Variants in MRGPRF observed in about 807,000 individuals in gnomAD.
MRGPRF encodes MAS related GPR family member F, also known as mas-related G protein-coupled receptor member F.
Under a neutral mutation model 3.3 loss-of-function variants are expected in MRGPRF, and 2 were observed. The observed-to-expected ratio is 0.61, with a 90% CI of 0.25 to 1.92. MRGPRF has a LOEUF of 1.92. Ranked by LOEUF, MRGPRF falls within the 40% of genes most tolerant of loss-of-function variation. MRGPRF has a pLI of 0.16. For missense variants in MRGPRF, 500 were observed against 476.0 expected (o/e 1.05, Z -0.47); for synonymous variants, 242 against 222.7 (o/e 1.09, Z -0.77).
At chr11:69,006,456 G>T (rs1297631005) in intron 2 of MRGPRF, among the ~76,000 whole-genome samples, 195 bp from the exon 3 acceptor site, 2 of 152,086 alleles carry the variant, frequency 1.3e-5, no homozygotes, top group Admixed American at 1.3e-4. Context: ...CTCACCTGAT[G>T]TTAACTCTCC....
chr11:69,013,337 T>C (rs1860645255), upstream of MRGPRF: 1 of 152,216 alleles, frequency 6.6e-6, no homozygotes, highest in African/African-American at 2.4e-5. Context: ...TGAGCAGGGC[T>C]GAGCGGGGAT....
At chr11:69,010,532 C>G (rs112772029) in intron 1 of MRGPRF, among the ~76,000 whole-genome samples, 3,844 of 152,298 alleles carry the variant, frequency 0.025, 69 homozygotes, top group Non-Finnish European at 0.037. Flanking sequence ...CCCTGCCAGC[C>G]CGCCTACACC....
At position 69,006,005 on chromosome 11, in the gene MRGPRF, A is replaced by T. The variant is rs1159075967; in HGVS notation, c.305T>A (p.Leu102Gln). 1 of 1,568,370 alleles carries T rather than the reference A, an allele frequency of 6.4e-7. No individual in the cohort carries two copies. The highest frequency in any genetic ancestry group is 1.2e-5 in the South Asian group (1 of 85,798). ...CGTGCCCAGGAAGCCCCCCGTGTTC[A>T]GGATGGAGAACACCGCCTTGCTGAA... ...YLFSKAVFSI[L>Q]NTGGFLGTFA... Residue 102 changes from leucine to glutamine, a missense_variant, in exon 3 of 3, where the codon CTG (leucine) becomes CAG (glutamine). Physicochemically the swap from Leu to Gln is moderately radical, Grantham distance 113. Coordinates refer to ENST00000309099, the MANE Select transcript of MRGPRF (RefSeq NM_145015.5).
intron 1 of MRGPRF, among the ~76,000 whole-genome samples, chr11:69,010,500 G>A (rs2154012885): frequency 6.6e-6 from 1 of 152,320 alleles, no homozygotes; most frequent in African/African-American, 2.4e-5. Context: ...CCGGTCATCA[G>A]CATCACTGTC....
At position 69,005,057 on chromosome 11, in the gene MRGPRF, TG is replaced by T. The variant is rs1860439818; in HGVS notation, c.*220del. On this transcript the variant is annotated 3_prime_UTR_variant, in exon 3 of 3. Transcript: ENST00000309099. ...ACAAGAGGTCTCTAGGGGAGCAGAA[TG>T]GGTGGGGGAGCCGGGCAGGGGCCAC... 2 of 582,502 alleles carry T rather than the reference TG, an allele frequency of 3.4e-6. No individual in the cohort carries two copies. The highest frequency in any genetic ancestry group is 3.6e-5 in the Admixed American group (1 of 27,896). The allele number at this position is 582,502 out of a possible 1,614,324, so 36.1% of individuals were successfully genotyped here.
In MRGPRF at chr11:69,005,823, C is replaced by A; in HGVS notation, c.487G>T (p.Val163Leu). 6.5e-7 allele frequency: 1 copy of A among 1,532,274 alleles called. No individual in the cohort carries two copies. 94.9% of individuals were successfully genotyped at this position (1,532,274 alleles called of 1,614,324 possible). The change falls in exon 3 of 3, where the codon GTG (valine) becomes TTG (leucine). Residue 163 changes from valine (V) to leucine (L), a missense_variant. Val to Leu is a conservative substitution (Grantham distance 32). Coordinates refer to ENST00000309099, the MANE Select transcript of MRGPRF (RefSeq NM_145015.5). Reference sequence around the variant, plus strand: ...GACAGGACCCACAGCAGGGCGCACACCACGGCCGACAGGCGCTTGGGCCGC... The same window carrying A: ...GACAGGACCCACAGCAGGGCGCACAACACGGCCGACAGGCGCTTGGGCCGC... Reference protein sequence around the residue: ...RRRPKRLSAVVCALLWVLSLL... With the variant: ...RRRPKRLSAVLCALLWVLSLL...
Position 69,008,128 on chromosome 11 carries a change from C to T in MRGPRF, c.48+1726G>A, listed in dbSNP as rs139586009. Among the ~76,000 whole-genome samples the T allele has an allele frequency of 2.9e-3, 440 of 152,232 alleles. 1 individual carries two copies. Among genetic ancestry groups the T allele is most frequent in the African/African-American group, 0.01 (419 of 41,522 alleles). On this transcript the variant is annotated intron_variant, in intron 2 of 2. Coordinates refer to ENST00000309099, the MANE Select transcript of MRGPRF (RefSeq NM_145015.5). ...ACTGGAGTGGCTGATCGTCCTCCCCCGCTCCCTGGAGAAGCCTGAACTCTA... is the reference window on the plus strand; with the variant it reads ...ACTGGAGTGGCTGATCGTCCTCCCCTGCTCCCTGGAGAAGCCTGAACTCTA...
intron 2 of MRGPRF, among the ~76,000 whole-genome samples, chr11:69,008,905 G>A (rs1307606017): frequency 6.6e-6 from 1 of 152,194 alleles, no homozygotes; most frequent in East Asian, 1.9e-4. Flanking sequence ...GGAGTCAGAG[G>A]GGGAGGCCGG....
intron 2 of MRGPRF, 197 bp downstream of exon 2, chr11:69,009,657 G>A: frequency 1.4e-6 from 1 of 698,424 alleles, no homozygotes; most frequent in Non-Finnish European, 2.6e-6. Flanking sequence ...CCTCACTGAT[G>A]AGGACAGGAG....
intron 2 of MRGPRF, 86 bp from the exon 3 acceptor site, chr11:69,006,347 G>GC: frequency 6.9e-7 from 1 of 1,451,012 alleles, no homozygotes; most frequent in East Asian, 2.4e-5. Context: ...GGGGGAGGGG[G>GC]GGGGTCCCAA....
intron 2 of MRGPRF, chr11:69,009,345 CAGG>C (rs1308734512): frequency 5.0e-6 from 2 of 401,992 alleles, no homozygotes; most frequent in Admixed American, 8.3e-5. Flanking sequence ...TGGCTGAGGG[CAGG>C]AGGAGGGTCA....
At chr11:69,010,030 G>GGGT in intron 1 of MRGPRF, 73 bp from the exon 2 acceptor site, 1 of 952,620 alleles carries the variant, frequency 1.0e-6, no homozygotes, top group African/African-American at 1.6e-5. Context: ...CCGTGCCTAG[G>GGGT]CCCCCAAGGC....
chr11:69,012,271 C>T (rs2154013055), intron 1 of MRGPRF: 1 of 152,504 alleles, frequency 6.6e-6, no homozygotes, highest in African/African-American at 2.4e-5. Flanking sequence ...CCGCAGGAAG[C>T]TCCTCCTCTC....
At chr11:69,009,537 G>T in intron 2 of MRGPRF, 2 of 587,240 alleles carry the variant, frequency 3.4e-6, no homozygotes, top group Admixed American at 3.1e-5. Flanking sequence ...GTAAGTAGCT[G>T]ACTGCCCCAC....
intron 1 of MRGPRF, chr11:69,012,165 T>C (rs2513102): frequency 0.98 from 149,291 of 152,408 alleles, 73,167 homozygotes; most frequent in Non-Finnish European, 1. Context: ...CCACTGAAGC[T>C]GACCCAAAAA....
Position 69,005,058 on chromosome 11 carries a change from G to A in MRGPRF, c.*220C>T, listed in dbSNP as rs1476614557. 1.7e-6 allele frequency: 1 copy of A among 590,150 alleles called. No individual in the cohort carries two copies. The highest frequency in any genetic ancestry group is 3.1e-5 in the East Asian group (1 of 32,514). The allele number at this position is 590,150 out of a possible 1,614,324, so 36.6% of individuals were successfully genotyped here. ...CAAGAGGTCTCTAGGGGAGCAGAATGGGTGGGGGAGCCGGGCAGGGGCCAC... is the reference window on the plus strand; with the variant it reads ...CAAGAGGTCTCTAGGGGAGCAGAATAGGTGGGGGAGCCGGGCAGGGGCCAC... On this transcript the variant is annotated 3_prime_UTR_variant, in exon 3 of 3. Coordinates refer to ENST00000309099, the MANE Select transcript of MRGPRF (RefSeq NM_145015.5).
In MRGPRF at chr11:69,005,313, T is replaced by C; in HGVS notation, c.997A>G (p.Met333Val). 14 of 1,539,900 alleles carry C rather than the reference T, an allele frequency of 9.1e-6. No homozygotes were observed. Among genetic ancestry groups the C allele is most frequent in the East Asian group, 2.4e-5 (1 of 42,056 alleles). The change falls in exon 3 of 3, where the codon ATG becomes GTG. Residue 333 changes from methionine (M) to valine (V), a missense_variant. Physicochemically the swap from Met to Val is conservative, Grantham distance 21. Coordinates refer to ENST00000309099, the MANE Select transcript of MRGPRF (RefSeq NM_145015.5). Reference sequence around the variant, plus strand: ...TTCCCCGGGGGACACTGCATCTCCATGGTGACTGTGTTGGGCGTGCTGCCC... The same window carrying C: ...TTCCCCGGGGGACACTGCATCTCCACGGTGACTGTGTTGGGCGTGCTGCCC... ...AGGSTPNTVT[M>V]EMQCPPGNAS
At position 69,006,154 on chromosome 11, in the gene MRGPRF, C is replaced by T; in HGVS notation, c.156G>A (p.Leu52=). 6.2e-7 allele frequency: 1 copy of T among 1,614,104 alleles called. No individual in the cohort carries two copies. The highest frequency in any genetic ancestry group is 1.1e-5 in the South Asian group (1 of 91,088). ...CCACCAGGCCACACAGGCAGAGGAGCAGGAAGATGTAGTTCATGACGGCCG... is the reference window on the plus strand; with the variant it reads ...CCACCAGGCCACACAGGCAGAGGAGTAGGAAGATGTAGTTCATGACGGCCG... ...PPPAVMNYIF[L]LLCLCGLVGN... is the part of the protein sequence containing the mutation. Residue 52 remains leucine (L), a synonymous_variant, in exon 3 of 3, where the codon CTG becomes CTA. Transcript: ENST00000309099.
At chr11:69,009,616 G>C (rs1034664369) in intron 2 of MRGPRF, 25 of 628,990 alleles carry the variant, frequency 4.0e-5, no homozygotes, top group South Asian at 1.3e-4. Flanking sequence ...TCAGCACAGC[G>C]AGGGACCTTG....
Sources: allele counts gnomAD v4.1 joint callset (sites outside exome capture counted in the v4.1 genomes callset), GRCh38; gene constraint gnomAD v4.1.1; transcripts MANE v1.5; gene names NCBI Gene and HGNC (gene_info 2026-07-23, HGNC 2026-07-21).